NEK11: variants seen among roughly 807,000 people sequenced by gnomAD.
NEK11 encodes serine/threonine-protein kinase Nek11.
In NEK11, 72 loss-of-function variants were observed where a neutral mutation model predicts 80.7. That is an observed-to-expected ratio of 0.89 (90% CI 0.74 to 1.08). The LOEUF (loss-of-function observed/expected upper bound fraction) is 1.08. Ranked by LOEUF, NEK11 falls within the 50% of genes least tolerant of loss-of-function variation. The pLI, the probability that NEK11 is intolerant of heterozygous loss-of-function variation, is 0.00. For synonymous variants in NEK11, 251 were observed against 260.7 expected (o/e 0.96, Z 0.36); for missense variants, 764 against 763.6 (o/e 1.00, Z -0.01).
At chr3:131,187,943 G>T (rs1410709592) in intron 14 of NEK11, among the ~76,000 whole-genome samples, 1 of 152,132 alleles carries the variant, frequency 6.6e-6, no homozygotes, top group Non-Finnish European at 1.5e-5. Context: ...GATTTTACAA[G>T]ACTGAAGAGA....
chr3:131,262,778 A>G (rs1196402952), intron 16 of NEK11, among the ~76,000 whole-genome samples: 1 of 152,156 alleles, frequency 6.6e-6, no homozygotes, highest in African/African-American at 2.4e-5. Context: ...CCCGTCATCT[A>G]CATTAGGTAT....
At chr3:131,192,102 C>A (rs1321358570) in intron 14 of NEK11, among the ~76,000 whole-genome samples, 3 of 152,172 alleles carry the variant, frequency 2.0e-5, no homozygotes, top group African/African-American at 4.8e-5. Context: ...ACAAATCAAA[C>A]AGCCCAATTA....
chr3:131,042,635 C>T (rs1170360767), intron 3 of NEK11, among the ~76,000 whole-genome samples: 1 of 152,182 alleles, frequency 6.6e-6, no homozygotes, highest in Admixed American at 6.5e-5. Context: ...ATAAAACTCC[C>T]ATCTCCCTGG....
chr3:131,185,743 C>T (rs2093572312), intron 14 of NEK11, among the ~76,000 whole-genome samples: 1 of 152,160 alleles, frequency 6.6e-6, no homozygotes, highest in Admixed American at 6.6e-5. Flanking sequence ...CAGTAGTTTT[C>T]TCTGACTTAA....
intron 16 of NEK11, among the ~76,000 whole-genome samples, chr3:131,248,541 C>T (rs2095643940): frequency 6.6e-6 from 1 of 152,076 alleles, no homozygotes; most frequent in African/African-American, 2.4e-5. Flanking sequence ...TCCAAGTTAG[C>T]ACCAGGGCTG....
At chr3:131,165,351 C>T in intron 11 of NEK11, 75 bp from the exon 12 acceptor site, 2 of 895,058 alleles carry the variant, frequency 2.2e-6, no homozygotes, top group East Asian at 5.3e-5. Flanking sequence ...AAATAAGGAT[C>T]ACACTCATCT....
rs543002731 is a variant in NEK11 at position 131,342,122 on chromosome 3, C to T, written c.1719-7435C>T. Among the ~76,000 whole-genome samples the T allele has an allele frequency of 3.9e-5, 6 of 152,294 alleles. No individual in the cohort carries two copies. In the South Asian group the frequency reaches 1.0e-3, roughly 26 times the overall value. ...TTGACAGAAAGAGGCCTTCAAGGCA[C>T]GTGCTCTATCTGGGCACGCTGCAGG... On this transcript the variant is annotated intron_variant, in intron 17 of 17. Coordinates refer to ENST00000383366, the MANE Select transcript of NEK11 (RefSeq NM_024800.5).
At chr3:131,027,088 T>A (rs1429061386) in intron 1 of NEK11, 82 bp downstream of exon 1, 2 of 152,204 alleles carry the variant, frequency 1.3e-5, no homozygotes, top group East Asian at 3.9e-4. Flanking sequence ...CCGGGCTGGG[T>A]TCCGAATCTC....
intron 3 of NEK11, among the ~76,000 whole-genome samples, chr3:131,054,910 A>C (rs574080192): frequency 6.6e-6 from 1 of 152,246 alleles, no homozygotes; most frequent in East Asian, 1.9e-4. Context: ...TTACCCTTCT[A>C]AGGTACAGTT....
At chr3:131,184,731 T>A in intron 14 of NEK11, 1 of 1,250,330 alleles carries the variant, frequency 8.0e-7, no homozygotes, top group South Asian at 1.9e-5. Context: ...ACTAGACGAA[T>A]ACTGGAAAAA....
In NEK11 at chr3:131,080,475, C is replaced by T. The variant is rs2075083781; in HGVS notation, c.223C>T (p.Gln75Ter). The T allele has an allele frequency of 2.5e-6, 4 of 1,613,916 alleles. No individual in the cohort carries two copies. The highest frequency in any genetic ancestry group is 2.2e-5 in the East Asian group (1 of 44,866). Residue 75 changes from glutamine to a stop codon, truncating the protein, a stop_gained, in exon 4 of 18, where the codon CAG (glutamine) becomes TAG (stop). Transcript: ENST00000383366. LOFTEE classifies it high-confidence loss of function. ...VGELNPNETV[Q>*]ANLEAQLLSK... Reference sequence around the variant, plus strand: ...AGAACTAAATCCAAATGAAACTGTACAGGCCAATTTGGAAGCCCAACTCCT... The same window carrying T: ...AGAACTAAATCCAAATGAAACTGTATAGGCCAATTTGGAAGCCCAACTCCT...
intron 4 of NEK11, among the ~76,000 whole-genome samples, chr3:131,083,109 T>G (rs1050433993): frequency 1.2e-4 from 18 of 152,306 alleles, no homozygotes; most frequent in Middle Eastern, 3.4e-3. Context: ...TCAGAAATTC[T>G]GGGGGTGGGG....
chr3:131,190,638 A>G (rs987076548), intron 14 of NEK11, among the ~76,000 whole-genome samples: 2 of 152,128 alleles, frequency 1.3e-5, no homozygotes, highest in African/African-American at 2.4e-5. Context: ...CTCAGCCAAA[A>G]TAAACCTCTT....
At chr3:131,297,308 T>G (rs1156480894) in intron 17 of NEK11, among the ~76,000 whole-genome samples, 1 of 152,162 alleles carries the variant, frequency 6.6e-6, no homozygotes, top group Non-Finnish European at 1.5e-5. Context: ...TTTCTCCAAA[T>G]CCTCTCCAGC....
At chr3:131,266,571 G>C (rs58111088) in intron 16 of NEK11, among the ~76,000 whole-genome samples, 16,606 of 152,204 alleles carry the variant, frequency 0.11, 1,491 homozygotes, top group African/African-American at 0.24. Context: ...CTGAGAAACT[G>C]TTTGTTATGA....
At chr3:131,316,652 T>C (rs2109579973) in intron 17 of NEK11, among the ~76,000 whole-genome samples, 1 of 152,368 alleles carries the variant, frequency 6.6e-6, no homozygotes, top group South Asian at 2.1e-4. Context: ...TTGCTTTTTT[T>C]GTTGATACTT....
At chr3:131,040,167 C>T (rs914866098) in intron 3 of NEK11, among the ~76,000 whole-genome samples, 1 of 152,034 alleles carries the variant, frequency 6.6e-6, no homozygotes, top group East Asian at 1.9e-4. Flanking sequence ...TTAACGAGAA[C>T]ACTTTTTATT....
intron 17 of NEK11, among the ~76,000 whole-genome samples, chr3:131,284,041 G>C (rs1014005969): frequency 6.6e-6 from 1 of 152,188 alleles, no homozygotes; most frequent in Non-Finnish European, 1.5e-5. Flanking sequence ...TTACAACCTA[G>C]CTAGGGAAAC....
intron 15 of NEK11, among the ~76,000 whole-genome samples, chr3:131,236,530 TAGA>T (rs1427038072): frequency 6.6e-6 from 1 of 152,156 alleles, no homozygotes; most frequent in Admixed American, 6.5e-5. Context: ...CAGCTGCAGT[TAGA>T]AGGTTTTAAT....
Sources: gnomAD v4.1 joint callset for allele counts (sites outside exome capture counted in the v4.1 genomes callset) on GRCh38, gnomAD v4.1.1 for gene constraint, MANE v1.5 for transcripts, NCBI Gene and HGNC (gene_info 2026-07-23, HGNC 2026-07-21) for gene names.